Variants in STON2 observed in about 807,000 individuals in gnomAD.
STON2 encodes stonin 2.
Under a neutral mutation model 65.7 loss-of-function variants are expected in STON2, and 29 were observed. That is an observed-to-expected ratio of 0.44 (90% CI 0.33 to 0.60). STON2 has a LOEUF of 0.60. Ranked by LOEUF, STON2 falls within the 20% of genes least tolerant of loss-of-function variation. The pLI is 0.03. For synonymous variants in STON2, 404 were observed against 414.2 expected, an observed-to-expected ratio of 0.98 and a Z score of 0.30; for missense variants, 1,054 against 1,118.1, an observed-to-expected ratio of 0.94 and a Z score of 0.82.
In STON2 at chr14:81,433,784, T is replaced by C. The variant is rs149800662; in HGVS notation, c.-310+2537A>G. Among the ~76,000 whole-genome samples the C allele has an allele frequency of 5.3e-5, 8 of 152,240 alleles. No homozygotes were observed. The East Asian group carries it at 1.5e-3, about 29-fold the overall frequency. On this transcript the variant is annotated intron_variant, in intron 1 of 8. Transcript: ENST00000553821. ...TCCCAGAATGATGACAAGTGAGGGG[T>C]AGAACTATGCCTGACTTACACTGGA... is the stretch of plus-strand genomic sequence containing the variant.
upstream of STON2, among the ~76,000 whole-genome samples, chr14:81,401,643 A>C (rs1900617646): frequency 6.6e-6 from 1 of 152,278 alleles, no homozygotes; most frequent in Non-Finnish European, 1.5e-5. Flanking sequence ...AATGAGGTTT[A>C]GAATCACCAC....
Position 81,277,723 on chromosome 14 carries a change from G to A in STON2, c.1759C>T (p.Leu587=). 6.2e-7 allele frequency: 1 copy of A among 1,614,194 alleles called. No individual in the cohort carries two copies. Among genetic ancestry groups the A allele is most frequent in the Non-Finnish European group, 8.5e-7 (1 of 1,180,028 alleles). Residue 587 remains leucine, a synonymous_variant, in exon 6 of 8, where the codon CTG becomes TTG. Coordinates refer to ENST00000614646, the MANE Select transcript of STON2 (RefSeq NM_001394390.1). ...HTAEREQVIK[L]GTTNYDDFLS... ...AAGTCATCGTAATTGGTGGTGCCCA[G>A]CTTAATCACCTGTTCCCTCTCTGCT...
At chr14:81,431,739 T>G (rs1462756200) in intron 1 of STON2, among the ~76,000 whole-genome samples, 2 of 149,832 alleles carry the variant, frequency 1.3e-5, no homozygotes, top group Non-Finnish European at 3.0e-5. Context: ...TATTGCGCAC[T>G]GCACTCTAGG....
intron 5 of STON2, among the ~76,000 whole-genome samples, chr14:81,319,282 GT>G (rs1280766097): frequency 6.6e-6 from 1 of 151,814 alleles, no homozygotes; most frequent in Non-Finnish European, 1.5e-5. Context: ...TGCTTGCTTT[GT>G]TTTCTTACTA....
intron 2 of STON2, among the ~76,000 whole-genome samples, chr14:81,426,463 G>A (rs1301117524): frequency 2.0e-5 from 3 of 152,062 alleles, no homozygotes; most frequent in African/African-American, 7.2e-5. Context: ...CCATCTATAA[G>A]CTAGGGACCC....
chr14:81,418,558 A>G (rs961381352), intron 2 of STON2, among the ~76,000 whole-genome samples: 1 of 152,228 alleles, frequency 6.6e-6, no homozygotes, highest in African/African-American at 2.4e-5. Flanking sequence ...GCTTTGTAAA[A>G]AAAAGGCAAA....
intron 2 of STON2, among the ~76,000 whole-genome samples, chr14:81,396,495 T>C (rs1329524992): frequency 6.6e-6 from 1 of 152,156 alleles, no homozygotes; most frequent in Non-Finnish European, 1.5e-5. Context: ...AGAGGTCAAG[T>C]AGGAAATATA....
chr14:81,300,539 C>A (rs1895932484), intron 5 of STON2, among the ~76,000 whole-genome samples: 1 of 151,990 alleles, frequency 6.6e-6, no homozygotes, highest in African/African-American at 2.4e-5. Context: ...AATACAAACA[C>A]CTCAGTAGGC....
At chr14:81,313,639 A>G (rs1896512398) in intron 5 of STON2, among the ~76,000 whole-genome samples, 1 of 152,060 alleles carries the variant, frequency 6.6e-6, no homozygotes, top group South Asian at 2.1e-4. Context: ...TACTAAAAAT[A>G]CAAAAATTAG....
chr14:81,291,391 A>G (rs1895548908), intron 5 of STON2, among the ~76,000 whole-genome samples: 1 of 152,210 alleles, frequency 6.6e-6, no homozygotes, highest in Non-Finnish European at 1.5e-5. Context: ...TCAAGGCAGA[A>G]TGTTCAACTT....
rs745530918 is a variant in STON2, at chr14:81,263,888, T to C, written c.*4526A>G. The C allele has an allele frequency of 1.6e-4, 153 of 985,286 alleles. No homozygotes were observed. The highest frequency in any genetic ancestry group is 1.8e-4 in the Non-Finnish European group (149 of 829,930). 61.0% of individuals were successfully genotyped at this position (985,286 alleles called of 1,614,324 possible). ...TCCCACCACTAAACTTATGGTGAAATATATATCACCTCTGAAATCATGACT... is the reference window on the plus strand; with the variant it reads ...TCCCACCACTAAACTTATGGTGAAACATATATCACCTCTGAAATCATGACT... On this transcript the variant is annotated 3_prime_UTR_variant, in exon 8 of 8. Coordinates refer to ENST00000614646, the MANE Select transcript of STON2 (RefSeq NM_001394390.1).
chr14:81,302,847 A>G (rs1896019165), intron 5 of STON2, among the ~76,000 whole-genome samples: 1 of 152,236 alleles, frequency 6.6e-6, no homozygotes, highest in South Asian at 2.1e-4. Context: ...TGTGAGAATT[A>G]CAGATGATGT....
At chr14:81,358,661 G>GAA (rs1214005013) in intron 4 of STON2, among the ~76,000 whole-genome samples, 1 of 152,014 alleles carries the variant, frequency 6.6e-6, no homozygotes, top group Non-Finnish European at 1.5e-5. Context: ...CCCTTTTAAA[G>GAA]ACACACATAG....
At chr14:81,339,300 T>C (rs1317246747) in intron 4 of STON2, among the ~76,000 whole-genome samples, 3 of 152,138 alleles carry the variant, frequency 2.0e-5, no homozygotes, top group Non-Finnish European at 4.4e-5. Context: ...GAGTGAGTTA[T>C]GGATGTCAGG....
chr14:81,342,457 G>A (rs144270143), intron 4 of STON2, among the ~76,000 whole-genome samples: 23 of 152,124 alleles, frequency 1.5e-4, no homozygotes, highest in Non-Finnish European at 2.8e-4. Context: ...TTGATTTCTC[G>A]GAATCCTTGG....
intron 3 of STON2, among the ~76,000 whole-genome samples, chr14:81,392,374 G>A (rs550794854): frequency 2.0e-5 from 3 of 152,198 alleles, no homozygotes; most frequent in South Asian, 4.1e-4. Context: ...CTCTGGCCTC[G>A]CTGAGAGTCC....
At chr14:81,271,585 C>T (rs12893275) in intron 6 of STON2, among the ~76,000 whole-genome samples, 9,564 of 152,216 alleles carry the variant, frequency 0.063, 426 homozygotes, top group Middle Eastern at 0.1. Context: ...AGAAGTACAA[C>T]AGGGTGGGCT....
intron 4 of STON2, among the ~76,000 whole-genome samples, chr14:81,366,447 G>A (rs1898731738): frequency 6.6e-6 from 1 of 152,124 alleles, no homozygotes; most frequent in South Asian, 2.1e-4. Flanking sequence ...GGTGCCCAGT[G>A]GTTACCCTGA....
intron 5 of STON2, among the ~76,000 whole-genome samples, chr14:81,315,160 G>A (rs1400390846): frequency 2.0e-5 from 3 of 152,226 alleles, no homozygotes; most frequent in African/African-American, 7.2e-5. Flanking sequence ...ACAGGCAAGA[G>A]TTTTTACTAT....
Sources: gnomAD v4.1 joint callset for allele counts (sites outside exome capture counted in the v4.1 genomes callset) on GRCh38, gnomAD v4.1.1 for gene constraint, MANE v1.5 for transcripts, NCBI Gene and HGNC (gene_info 2026-07-23, HGNC 2026-07-21) for gene names.